Variants in LRRTM3 observed in about 807,000 individuals in gnomAD.
The protein encoded by LRRTM3 is leucine-rich repeat transmembrane neuronal protein 3.
LRRTM3 carries 24 observed loss-of-function variants against 44.7 expected under a neutral mutation model. That is an observed-to-expected ratio of 0.54 (90% CI 0.39 to 0.76). The LOEUF is 0.76. Ranked by LOEUF, LRRTM3 falls within the 30% of genes least tolerant of loss-of-function variation. LRRTM3 has a pLI of 0.00. For synonymous variants in LRRTM3, 277 were observed against 278.7 expected, an observed-to-expected ratio of 0.99 and a Z score of 0.06; for missense variants, 587 against 702.2, an observed-to-expected ratio of 0.84 and a Z score of 1.85.
intron 2 of LRRTM3, among the ~76,000 whole-genome samples, chr10:66,978,465 T>G (rs1238212733): frequency 2.9e-5 from 4 of 138,434 alleles, no homozygotes; most frequent in Non-Finnish European, 6.0e-5. Context: ...AGGCGGAGGT[T>G]GCAGTGAGTC....
At position 66,947,364 on chromosome 10, in the gene LRRTM3, A is replaced by G. The variant is rs193016922; in HGVS notation, c.1536+18912A>G. Among the ~76,000 whole-genome samples the G allele has an allele frequency of 3.5e-3, 533 of 152,322 alleles. 5 individuals carry two copies. Among genetic ancestry groups the G allele is most frequent in the African/African-American group, 0.012 (494 of 41,582 alleles). ...TATCACACTCAATGCTGGTTTTACTATTAGAACATTATTGAAATTACCATT... is the reference window on the plus strand; with the variant it reads ...TATCACACTCAATGCTGGTTTTACTGTTAGAACATTATTGAAATTACCATT... On this transcript the variant is annotated intron_variant, in intron 2 of 2. Coordinates refer to ENST00000361320, the MANE Select transcript of LRRTM3 (RefSeq NM_178011.5).
chr10:67,007,643 T>C (rs1303043051), intron 2 of LRRTM3, among the ~76,000 whole-genome samples: 1 of 152,070 alleles, frequency 6.6e-6, no homozygotes, highest in Non-Finnish European at 1.5e-5. Flanking sequence ...TGTTTCCCTG[T>C]AAATGTTACA....
intron 2 of LRRTM3, among the ~76,000 whole-genome samples, chr10:67,064,410 C>G (rs1388416570): frequency 6.6e-6 from 1 of 152,012 alleles, no homozygotes; most frequent in East Asian, 1.9e-4. Flanking sequence ...TTACCAAAAT[C>G]TATAGAATTT....
intron 2 of LRRTM3, among the ~76,000 whole-genome samples, chr10:67,007,260 C>T (rs1427976519): frequency 1.3e-5 from 2 of 152,138 alleles, no homozygotes; most frequent in Non-Finnish European, 2.9e-5. Flanking sequence ...CTGTGACTCA[C>T]CATGTATTTC....
At chr10:67,020,226 C>T (rs1191101045) in intron 2 of LRRTM3, among the ~76,000 whole-genome samples, 1 of 152,102 alleles carries the variant, frequency 6.6e-6, no homozygotes, top group Non-Finnish European at 1.5e-5. Context: ...AAAATATCAT[C>T]CTAACAAATG....
In LRRTM3 at chr10:66,927,207, C is replaced by A. The variant is rs777020539; in HGVS notation, c.291C>A (p.Ile97=). ...GGCTATACCTTGACCATAACCATAT[C>A]AGCAATATTGACGAAAATGCTTTTA... ...LTWLYLDHNH[I]SNIDENAFNG... is the part of the protein sequence containing the mutation. The change falls in exon 2 of 3, where the codon ATC becomes ATA. Residue 97 remains isoleucine (I), a synonymous_variant. Transcript: ENST00000361320. The surrounding 1 kb of genome is among the most constrained non-coding windows in gnomAD (Gnocchi z 4.7). The A allele has an allele frequency of 1.2e-5, 20 of 1,614,148 alleles. No individual in the cohort carries two copies. Among genetic ancestry groups the A allele is most frequent in the Non-Finnish European group, 1.6e-5 (19 of 1,180,032 alleles).
intron 2 of LRRTM3, among the ~76,000 whole-genome samples, chr10:67,051,517 T>A (rs1163787892): frequency 6.6e-6 from 1 of 150,946 alleles, no homozygotes; most frequent in African/African-American, 2.4e-5. Context: ...TGGAGTGCAG[T>A]GGTGCAATCT....
intron 2 of LRRTM3, among the ~76,000 whole-genome samples, chr10:67,055,868 G>A (rs1925595): frequency 0.54 from 81,811 of 151,812 alleles, 22,403 homozygotes; most frequent in East Asian, 0.78. Context: ...TGGCTGTTGT[G>A]TAATCCATCA....
At chr10:66,928,516 T>C in intron 2 of LRRTM3, 64 bp downstream of exon 2, 1 of 1,449,854 alleles carries the variant, frequency 6.9e-7, no homozygotes. Context: ...TTTATTGAAC[T>C]CTGGTGACTA....
intron 2 of LRRTM3, among the ~76,000 whole-genome samples, chr10:66,990,238 C>G (rs1850969698): frequency 6.6e-6 from 1 of 152,082 alleles, no homozygotes; most frequent in Admixed American, 6.6e-5. Flanking sequence ...CCAATGTGTC[C>G]CATTGTCTCC....
At chr10:67,068,303 A>C (rs1856217431) in intron 2 of LRRTM3, among the ~76,000 whole-genome samples, 2 of 152,288 alleles carry the variant, frequency 1.3e-5, no homozygotes, top group African/African-American at 4.8e-5. Context: ...ACACATATAG[A>C]TGGTGACACT....
intron 2 of LRRTM3, among the ~76,000 whole-genome samples, chr10:66,979,471 A>C (rs2132871771): frequency 6.6e-6 from 1 of 152,298 alleles, no homozygotes; most frequent in African/African-American, 2.4e-5. Context: ...TTCTGGCATA[A>C]AATTCTGTAT....
intron 2 of LRRTM3, among the ~76,000 whole-genome samples, chr10:67,063,189 G>A (rs1855862107): frequency 6.6e-6 from 1 of 152,084 alleles, no homozygotes; most frequent in Non-Finnish European, 1.5e-5. Context: ...ACCAAGTATG[G>A]ATGCTCAAGA....
chr10:66,944,683 A>T (rs1374558848), intron 2 of LRRTM3, among the ~76,000 whole-genome samples: 3 of 152,232 alleles, frequency 2.0e-5, no homozygotes, highest in Non-Finnish European at 4.4e-5. Flanking sequence ...CATCAAAGGA[A>T]TTATCATCCA....
At chr10:67,014,163 C>A (rs1852510685) in intron 2 of LRRTM3, among the ~76,000 whole-genome samples, 4 of 152,292 alleles carry the variant, frequency 2.6e-5, no homozygotes, top group Middle Eastern at 3.4e-3. Flanking sequence ...AAAAGTATTT[C>A]TTTTCCTACC....
chr10:66,952,188 C>T (rs975993565), intron 2 of LRRTM3, among the ~76,000 whole-genome samples: 6 of 152,188 alleles, frequency 3.9e-5, no homozygotes, highest in Admixed American at 1.3e-4. Context: ...CACACAGCCA[C>T]ACAGTGGCAA....
intron 2 of LRRTM3, among the ~76,000 whole-genome samples, chr10:67,050,959 A>C (rs1855051556): frequency 6.6e-6 from 1 of 152,318 alleles, no homozygotes; most frequent in Middle Eastern, 3.4e-3. Context: ...GAGTCCCACA[A>C]ATCAGCCCCC....
intron 2 of LRRTM3, among the ~76,000 whole-genome samples, chr10:67,021,284 C>T (rs116467595): frequency 0.025 from 3,844 of 152,128 alleles, 184 homozygotes; most frequent in African/African-American, 0.088. Flanking sequence ...CATTTCACAC[C>T]TTTAAAATTA....
At chr10:66,948,228 G>C (rs2132709383) in intron 2 of LRRTM3, among the ~76,000 whole-genome samples, 1 of 152,290 alleles carries the variant, frequency 6.6e-6, no homozygotes, top group Non-Finnish European at 1.5e-5. Context: ...GGTGAACTGT[G>C]ATCAGACAGA....
Sources: allele counts gnomAD v4.1 joint callset (sites outside exome capture counted in the v4.1 genomes callset), GRCh38; gene constraint gnomAD v4.1.1; non-coding constraint Gnocchi (gnomAD v3.1); transcripts MANE v1.5; gene names NCBI Gene and HGNC (gene_info 2026-07-23, HGNC 2026-07-21).